TRAP1: variants seen among roughly 807,000 people sequenced by gnomAD.
TRAP1 encodes the protein heat shock protein 75 kDa, mitochondrial.
In TRAP1, 102 loss-of-function variants were observed where a neutral mutation model predicts 89.1. The ratio of observed to expected loss-of-function variants is 1.15; its 90% CI spans 0.98 to 1.35. The LOEUF is 1.35. Among genes scored for constraint, TRAP1 ranks in the 40% most tolerant of loss-of-function variants. The probability of loss-of-function intolerance (pLI) is 0.00; values close to 1 mark genes in which losing one functional copy is unlikely to be tolerated. For missense variants in TRAP1, 1,256 were observed against 945.3 expected (o/e 1.33, Z -4.31); for synonymous variants, 508 against 388.0 (o/e 1.31, Z -3.64).
intron 11 of TRAP1, among the ~76,000 whole-genome samples, chr16:3,668,954 C>A (rs1227482444): frequency 6.6e-6 from 1 of 152,222 alleles, no homozygotes; most frequent in East Asian, 1.9e-4. Context: ...TCCCTCTCCA[C>A]AGGGCCTGGC....
chr16:3,689,238 T>TTTA, intron 2 of TRAP1, 101 bp from the exon 3 acceptor site: 3 of 914,866 alleles, frequency 3.3e-6, no homozygotes, highest in Non-Finnish European at 3.2e-6. Flanking sequence ...TTATGAGTTT[T>TTTA]AAACTTTTTT....
At chr16:3,708,626 G>C (rs1177902318) in intron 1 of TRAP1, among the ~76,000 whole-genome samples, 2 of 151,470 alleles carry the variant, frequency 1.3e-5, no homozygotes, top group Non-Finnish European at 2.9e-5. Context: ...GACGGAGCGA[G>C]ACTCCATCTC....
intron 1 of TRAP1, among the ~76,000 whole-genome samples, chr16:3,695,536 G>GAAA (rs567047394): frequency 1.5e-4 from 11 of 74,728 alleles, no homozygotes; most frequent in African/African-American, 3.7e-4. Flanking sequence ...ACTCTGTCTC[G>GAAA]AAAAAAAAAA....
intron 1 of TRAP1, among the ~76,000 whole-genome samples, chr16:3,701,034 C>T (rs367817416): frequency 1.6e-4 from 24 of 152,166 alleles, no homozygotes; most frequent in African/African-American, 5.3e-4. Flanking sequence ...TAAAGGAAGA[C>T]CTAATTACAT....
intron 4 of TRAP1, among the ~76,000 whole-genome samples, chr16:3,681,754 G>A (rs2051076124): frequency 6.6e-6 from 1 of 152,108 alleles, no homozygotes; most frequent in Non-Finnish European, 1.5e-5. Context: ...AGGAAAAAAT[G>A]CAACTAATAG....
chr16:3,662,584 C>CTTGT, intron 15 of TRAP1: 1 of 614,988 alleles, frequency 1.6e-6, no homozygotes, highest in Non-Finnish European at 3.0e-6. Context: ...TAGCATGTCC[C>CTTGT]TTGTTTGGAA....
intron 5 of TRAP1, among the ~76,000 whole-genome samples, chr16:3,679,067 C>A (rs1396729884): frequency 6.6e-6 from 1 of 152,088 alleles, no homozygotes; most frequent in Non-Finnish European, 1.5e-5. Context: ...CCTGTAGTCA[C>A]GCCTCAGGAG....
Position 3,682,868 on chromosome 16 carries a change from A to G in TRAP1, c.472-3078T>C, listed in dbSNP as rs1020201722. ...AAGAAGATCCTGACTCTAAACAAACATAAAAACCTTCCAGGTCAGGCTGGG... is the reference window on the plus strand; with the variant it reads ...AAGAAGATCCTGACTCTAAACAAACGTAAAAACCTTCCAGGTCAGGCTGGG... On this transcript the variant is annotated intron_variant, in intron 4 of 17. Coordinates refer to ENST00000246957, the MANE Select transcript of TRAP1 (RefSeq NM_016292.3). 8.5e-5 allele frequency among the ~76,000 whole-genome samples: 13 copies of G among 152,098 alleles called. No individual in the cohort carries two copies. In the East Asian group the frequency reaches 2.5e-3, roughly 30 times the overall value.
intron 1 of TRAP1, among the ~76,000 whole-genome samples, chr16:3,697,818 T>C (rs1430960858): frequency 6.6e-6 from 1 of 151,714 alleles, no homozygotes; most frequent in Admixed American, 6.6e-5. Flanking sequence ...GAGAAGGTCT[T>C]GCTCTGTTGC....
chr16:3,685,969 C>T, intron 4 of TRAP1, 27 bp downstream of exon 4: 1 of 1,607,562 alleles, frequency 6.2e-7, no homozygotes, highest in African/African-American at 1.3e-5. Context: ...CCGGGCCTGC[C>T]ACACGCCTGG....
chr16:3,672,862 C>A, intron 9 of TRAP1, 42 bp from the exon 10 acceptor site: 1 of 1,583,160 alleles, frequency 6.3e-7, no homozygotes. Flanking sequence ...CACTGACCCT[C>A]CCCAGGCAGG....
intron 13 of TRAP1, 101 bp from the exon 14 acceptor site, chr16:3,663,663 C>T: frequency 6.7e-7 from 1 of 1,499,082 alleles, no homozygotes; most frequent in Non-Finnish European, 9.0e-7. Flanking sequence ...CCAAGCGGGC[C>T]ACACTGGGGA....
chr16:3,714,980 A>G (rs974282369), intron 1 of TRAP1, among the ~76,000 whole-genome samples: 1 of 152,192 alleles, frequency 6.6e-6, no homozygotes, highest in Non-Finnish European at 1.5e-5. Flanking sequence ...CAATCAATCC[A>G]AACAATTTAC....
At chr16:3,661,854 G>A in intron 16 of TRAP1, 133 bp downstream of exon 16, 1 of 1,213,428 alleles carries the variant, frequency 8.2e-7, no homozygotes, top group African/African-American at 1.6e-5. Context: ...ACTGCATACA[G>A]CTCCTTATAG....
chr16:3,707,510 A>G (rs906022936), intron 1 of TRAP1, among the ~76,000 whole-genome samples: 26 of 151,808 alleles, frequency 1.7e-4, no homozygotes, highest in Non-Finnish European at 3.1e-4. Flanking sequence ...TCTAAACAAA[A>G]TATATAACCC....
intron 1 of TRAP1, among the ~76,000 whole-genome samples, chr16:3,700,730 T>C (rs2051354303): frequency 6.6e-6 from 1 of 152,184 alleles, no homozygotes; most frequent in Non-Finnish European, 1.5e-5. Flanking sequence ...CCTCCCAAAG[T>C]GGTGGGATTA....
At chr16:3,666,832 C>A (rs529309372) in intron 11 of TRAP1, among the ~76,000 whole-genome samples, 13 of 152,328 alleles carry the variant, frequency 8.5e-5, no homozygotes, top group African/African-American at 2.9e-4. Flanking sequence ...AGGATATTTA[C>A]TGCAGCATTA....
At chr16:3,691,449 G>A (rs969866778) in intron 1 of TRAP1, among the ~76,000 whole-genome samples, 1 of 152,122 alleles carries the variant, frequency 6.6e-6, no homozygotes, top group Non-Finnish European at 1.5e-5. Flanking sequence ...TCGAACTCCT[G>A]GGCTGAAACC....
chr16:3,704,068 G>C (rs1223162796), intron 1 of TRAP1, among the ~76,000 whole-genome samples: 1 of 152,002 alleles, frequency 6.6e-6, no homozygotes, highest in Non-Finnish European at 1.5e-5. Flanking sequence ...TTACAGGCCA[G>C]GTGAGGTGCC....
Sources: gnomAD v4.1 joint callset for allele counts (sites outside exome capture counted in the v4.1 genomes callset) on GRCh38, gnomAD v4.1.1 for gene constraint, MANE v1.5 for transcripts, NCBI Gene and HGNC (gene_info 2026-07-23, HGNC 2026-07-21) for gene names.